Variants in MAPK10 observed in about 807,000 individuals in gnomAD.
MAPK10 encodes the protein JNK3 alpha protein kinase.
A neutral mutation model predicts 59.3 loss-of-function variants in MAPK10; 25 were observed. The ratio of observed to expected loss-of-function variants is 0.42; its 90% confidence interval spans 0.31 to 0.59. The LOEUF is 0.59. Ranked by LOEUF, MAPK10 falls within the 20% of genes least tolerant of loss-of-function variation. The pLI, the probability that MAPK10 is intolerant of heterozygous loss-of-function variation, is 0.15. For missense variants in MAPK10, 351 were observed against 568.9 expected, an observed-to-expected ratio of 0.62 and a Z score of 3.90; for synonymous variants, 190 against 200.5, an observed-to-expected ratio of 0.95 and a Z score of 0.44.
At chr4:86,057,495 A>G (rs1379674489) in intron 11 of MAPK10, among the ~76,000 whole-genome samples, 2 of 150,032 alleles carry the variant, frequency 1.3e-5, no homozygotes, top group Admixed American at 1.3e-4. Context: ...GGAGGAGTTT[A>G]TTTTGTTTCT....
chr4:86,282,466 AC>A (rs1451083762), intron 2 of MAPK10, among the ~76,000 whole-genome samples: 1 of 152,188 alleles, frequency 6.6e-6, no homozygotes, highest in Non-Finnish European at 1.5e-5. Flanking sequence ...TATTTAGTCA[AC>A]TGCAAACTAG....
intron 1 of MAPK10, among the ~76,000 whole-genome samples, chr4:86,413,955 C>A (rs1745529353): frequency 6.6e-6 from 1 of 152,180 alleles, no homozygotes; most frequent in African/African-American, 2.4e-5. Context: ...TGAGATGAAC[C>A]AGGTACCCCA....
At chr4:86,077,930 A>G (rs1047507750) in intron 9 of MAPK10, among the ~76,000 whole-genome samples, 1 of 152,206 alleles carries the variant, frequency 6.6e-6, no homozygotes, top group Non-Finnish European at 1.5e-5. Flanking sequence ...AATGTCTGCA[A>G]CAGATGCACA....
chr4:86,483,513 A>G (rs1753757105), intron 1 of MAPK10, among the ~76,000 whole-genome samples: 1 of 152,098 alleles, frequency 6.6e-6, no homozygotes, highest in Admixed American at 6.6e-5. Context: ...AACAAAGGGC[A>G]GAAAGACCGC....
intron 5 of MAPK10, among the ~76,000 whole-genome samples, chr4:86,106,452 T>G (rs1477605203): frequency 6.7e-6 from 1 of 148,856 alleles, no homozygotes; most frequent in Non-Finnish European, 1.5e-5. Flanking sequence ...TATTTATATC[T>G]AAAATGTATT....
intron 1 of MAPK10, among the ~76,000 whole-genome samples, chr4:86,536,321 G>A (rs1048090063): frequency 1.3e-5 from 2 of 152,194 alleles, no homozygotes; most frequent in East Asian, 3.8e-4. Context: ...AAGAAGTGGA[G>A]CCAAGGGTAA....
At chr4:86,285,773 G>A (rs1194826047) in intron 2 of MAPK10, among the ~76,000 whole-genome samples, 1 of 152,148 alleles carries the variant, frequency 6.6e-6, no homozygotes, top group African/African-American at 2.4e-5. Context: ...TCTGCCTTCT[G>A]CAAAACCAGT....
At chr4:86,544,038 CTT>C (rs1046652316) in intron 1 of MAPK10, among the ~76,000 whole-genome samples, 3 of 152,178 alleles carry the variant, frequency 2.0e-5, no homozygotes, top group Non-Finnish European at 4.4e-5. Flanking sequence ...TGGTTTGTCT[CTT>C]TGTCCAATAT....
chr4:86,134,871 G>C (rs1185773542), intron 4 of MAPK10, among the ~76,000 whole-genome samples: 1 of 152,326 alleles, frequency 6.6e-6, no homozygotes, highest in South Asian at 2.1e-4. Flanking sequence ...TGCCTCACTC[G>C]GGAAGTGCAA....
chr4:86,261,478 A>G (rs2093978172), intron 2 of MAPK10, among the ~76,000 whole-genome samples: 1 of 152,180 alleles, frequency 6.6e-6, no homozygotes, highest in Non-Finnish European at 1.5e-5. Flanking sequence ...GTGTGGGTAA[A>G]GGGTTAACAA....
At chr4:86,209,425 T>C (rs2085152427) in intron 2 of MAPK10, among the ~76,000 whole-genome samples, 1 of 152,062 alleles carries the variant, frequency 6.6e-6, no homozygotes, top group African/African-American at 2.4e-5. Context: ...AGGTAACTAT[T>C]TTGGAACTCT....
chr4:86,297,172 T>C (rs1053985835), intron 2 of MAPK10, among the ~76,000 whole-genome samples: 2 of 152,238 alleles, frequency 1.3e-5, no homozygotes, highest in Admixed American at 1.3e-4. Context: ...ACTCACACCA[T>C]CTTTCATATT....
chr4:86,220,731 C>T lies in MAPK10; in HGVS notation c.-6-26324G>A, dbSNP rs1181151903. ...TAATATTTTAGGTTTCTTCTAATGACGTACAGCCTAATATATTTGTATGGC... is the reference window on the plus strand; with the variant it reads ...TAATATTTTAGGTTTCTTCTAATGATGTACAGCCTAATATATTTGTATGGC... On this transcript the variant is annotated intron_variant, in intron 2 of 13. Coordinates refer to ENST00000641462, the MANE Select transcript of MAPK10 (RefSeq NM_138982.4). Among the ~76,000 whole-genome samples, 4 of 152,230 alleles carry T rather than the reference C, an allele frequency of 2.6e-5. No homozygotes were observed. In the South Asian group the frequency reaches 6.2e-4, roughly 24 times the overall value.
chr4:86,071,185 G>C (rs539921474), intron 9 of MAPK10, among the ~76,000 whole-genome samples: 1 of 152,164 alleles, frequency 6.6e-6, no homozygotes, highest in African/African-American at 2.4e-5. Flanking sequence ...CTGCATAAAT[G>C]TCTTCTTTTG....
At chr4:86,128,098 T>A (rs1052283298) in intron 4 of MAPK10, among the ~76,000 whole-genome samples, 2 of 152,124 alleles carry the variant, frequency 1.3e-5, no homozygotes, top group Admixed American at 6.6e-5. Flanking sequence ...GTTTTATGCA[T>A]CCAATAGTCC....
At chr4:86,440,038 C>T (rs781494926) in intron 1 of MAPK10, among the ~76,000 whole-genome samples, 5 of 152,102 alleles carry the variant, frequency 3.3e-5, no homozygotes, top group Non-Finnish European at 7.4e-5. Flanking sequence ...ACAAATTTTT[C>T]TTCTGAAATA....
intron 1 of MAPK10, among the ~76,000 whole-genome samples, chr4:86,583,244 C>A (rs1002661680): frequency 6.6e-6 from 1 of 151,990 alleles, no homozygotes; most frequent in Non-Finnish European, 1.5e-5. Context: ...AGGATGGTCT[C>A]GATTGCCTGG....
intron 1 of MAPK10, among the ~76,000 whole-genome samples, chr4:86,523,421 A>G (rs1434509458): frequency 6.6e-6 from 1 of 152,230 alleles, no homozygotes; most frequent in Non-Finnish European, 1.5e-5. Context: ...TGCCTATTCA[A>G]ATTTATCTCT....
At chr4:86,102,858 A>C (rs1404993321) in intron 6 of MAPK10, 1 of 168,572 alleles carries the variant, frequency 5.9e-6, no homozygotes, top group Admixed American at 6.1e-5. Flanking sequence ...CATTGTAGAA[A>C]GTTTGTGGAA....
Sources: allele counts gnomAD v4.1 joint callset (sites outside exome capture counted in the v4.1 genomes callset), GRCh38; gene constraint gnomAD v4.1.1; transcripts MANE v1.5; gene names NCBI Gene and HGNC (gene_info 2026-07-23, HGNC 2026-07-21).